The following MIPEP variants were observed in gnomAD, a reference collection of about 807,000 sequenced individuals.
MIPEP encodes mitochondrial intermediate peptidase.
MIPEP carries 79 observed loss-of-function variants against 90.3 expected under a neutral mutation model. That is an observed-to-expected ratio of 0.87 (90% confidence interval 0.73 to 1.05). The LOEUF is 1.05. Ranked by LOEUF, MIPEP falls within the 50% of genes least tolerant of loss-of-function variation. MIPEP has a pLI of 0.00. For synonymous variants in MIPEP, 334 were observed against 315.8 expected, an observed-to-expected ratio of 1.06 and a Z score of -0.61; for missense variants, 940 against 905.6, an observed-to-expected ratio of 1.04 and a Z score of -0.49.
intron 14 of MIPEP, among the ~76,000 whole-genome samples, chr13:23,822,441 C>T (rs1438486688): frequency 3.3e-5 from 5 of 152,220 alleles, no homozygotes; most frequent in African/African-American, 4.8e-5. Context: ...GGCTGTACTA[C>T]GGTTGGGTAA....
At chr13:23,736,767 C>T (rs925720258) in intron 18 of MIPEP, among the ~76,000 whole-genome samples, 3 of 152,146 alleles carry the variant, frequency 2.0e-5, no homozygotes, top group Admixed American at 1.3e-4. Flanking sequence ...CCCAGAACCA[C>T]GGTGGCTGTT....
intron 9 of MIPEP, among the ~76,000 whole-genome samples, chr13:23,859,578 T>G (rs183813737): frequency 3.3e-5 from 5 of 152,248 alleles, no homozygotes; most frequent in African/African-American, 1.2e-4. Context: ...GGCTCAAGTT[T>G]CCAATCCATA....
intron 1 of MIPEP, chr13:23,888,910 C>T (rs978406868): frequency 5.1e-5 from 27 of 532,654 alleles, no homozygotes; most frequent in African/African-American, 4.9e-4. Flanking sequence ...AGAAGCAGTT[C>T]CCGGACCCGA....
At chr13:23,785,651 GA>G (rs1952831696) in intron 16 of MIPEP, among the ~76,000 whole-genome samples, 2 of 147,820 alleles carry the variant, frequency 1.4e-5, no homozygotes, top group African/African-American at 5.0e-5. Flanking sequence ...AAAAAAGAAA[GA>G]AGTCCTCTAA....
At chr13:23,798,282 AAC>A (rs1422338111) in intron 16 of MIPEP, among the ~76,000 whole-genome samples, 9 of 152,328 alleles carry the variant, frequency 5.9e-5, no homozygotes, top group Admixed American at 2.6e-4. Flanking sequence ...TTTTTCTAAA[AAC>A]AGTTTGTTAC....
intron 18 of MIPEP, among the ~76,000 whole-genome samples, chr13:23,746,884 C>T (rs956366153): frequency 1.3e-5 from 2 of 152,034 alleles, no homozygotes; most frequent in Admixed American, 6.6e-5. Context: ...AACCTCTGGA[C>T]GTATCTCAAA....
chr13:23,882,702 TCAC>T (rs1001127615), intron 2 of MIPEP, among the ~76,000 whole-genome samples: 26 of 152,154 alleles, frequency 1.7e-4, no homozygotes, highest in African/African-American at 5.3e-4. Flanking sequence ...TGAAATAAAA[TCAC>T]CACAAGATAA....
At chr13:23,831,388 G>GAGGT (rs1566009684) in intron 14 of MIPEP, among the ~76,000 whole-genome samples, 1 of 145,862 alleles carries the variant, frequency 6.9e-6, no homozygotes, top group Non-Finnish European at 1.5e-5. Context: ...CATGGCGGGG[G>GAGGT]GGGGATGTGG....
At chr13:23,837,899 T>G (rs1216686688) in intron 12 of MIPEP, 143 bp from the exon 13 acceptor site, 1 of 587,238 alleles carries the variant, frequency 1.7e-6, no homozygotes, top group East Asian at 2.8e-5. Flanking sequence ...TCTATTTACA[T>G]ATATACACCT....
rs547681571 is a variant in MIPEP, at chr13:23,846,485, G to C, written c.1107-4997C>G. 2.6e-5 allele frequency among the ~76,000 whole-genome samples: 4 copies of C among 152,096 alleles called. No individual in the cohort carries two copies. The South Asian group carries it at 6.2e-4, about 24-fold the overall frequency. On this transcript the variant is annotated intron_variant, in intron 10 of 18. Transcript: ENST00000382172. Reference sequence around the variant, plus strand: ...ATGCTTGGGATATGTTTTGGATTTTGGATTTTTTTTTCTATTTTGGAAAAT... The same window carrying C: ...ATGCTTGGGATATGTTTTGGATTTTCGATTTTTTTTTCTATTTTGGAAAAT...
chr13:23,821,921 G>A (rs1020236634), intron 14 of MIPEP, among the ~76,000 whole-genome samples: 4 of 152,150 alleles, frequency 2.6e-5, no homozygotes. Context: ...TTAGTTGACT[G>A]TGTGGACACA....
chr13:23,840,727 G>A (rs1869257808), intron 11 of MIPEP, among the ~76,000 whole-genome samples: 1 of 152,092 alleles, frequency 6.6e-6, no homozygotes. Context: ...AAGCATGCTA[G>A]CAAAAATCAA....
At chr13:23,763,596 A>AC (rs1555231897) in intron 16 of MIPEP, among the ~76,000 whole-genome samples, 2 of 152,078 alleles carry the variant, frequency 1.3e-5, no homozygotes, top group South Asian at 4.2e-4. Flanking sequence ...CCCTGGTTTC[A>AC]TCAGCTCATA....
chr13:23,771,966 G>A (rs1050221936), intron 16 of MIPEP, among the ~76,000 whole-genome samples: 8 of 152,068 alleles, frequency 5.3e-5, no homozygotes, highest in Non-Finnish European at 8.8e-5. Flanking sequence ...TGTGTCTTAC[G>A]AAGGATTATG....
chr13:23,816,329 T>C (rs771152199), intron 14 of MIPEP, among the ~76,000 whole-genome samples: 1 of 152,216 alleles, frequency 6.6e-6, no homozygotes, highest in Non-Finnish European at 1.5e-5. Context: ...TCTTGGATGC[T>C]TGGTTTTGTT....
At chr13:23,740,489 C>T (rs1392138454) in intron 18 of MIPEP, among the ~76,000 whole-genome samples, 3 of 151,064 alleles carry the variant, frequency 2.0e-5, no homozygotes, top group Admixed American at 6.6e-5. Flanking sequence ...CTATTTCTTT[C>T]AAGAAGATTC....
At chr13:23,872,716 G>A (rs1870875015) in intron 5 of MIPEP, among the ~76,000 whole-genome samples, 1 of 152,100 alleles carries the variant, frequency 6.6e-6, no homozygotes, top group African/African-American at 2.4e-5. Context: ...CGGGGAAAGA[G>A]GAGCTACACT....
In MIPEP at chr13:23,751,251, G is replaced by A. The variant is rs138543560; in HGVS notation, c.2044+5294C>T. The stretch of plus-strand genomic sequence containing the variant: ...AAAAATTTAATAAGCTAGAAGAGAT[G>A]ATATAGGATAATATGGCAAAAGCGA... On this transcript the variant is annotated intron_variant, in intron 18 of 18. Coordinates refer to ENST00000382172, the MANE Select transcript of MIPEP (RefSeq NM_005932.4). 4.5e-4 allele frequency among the ~76,000 whole-genome samples: 69 copies of A among 152,332 alleles called. 2 individuals carry two copies. The East Asian group carries it at 0.013, about 29-fold the overall frequency.
chr13:23,804,047 C>CG (rs749686562), intron 16 of MIPEP, among the ~76,000 whole-genome samples: 6 of 152,130 alleles, frequency 3.9e-5, no homozygotes, highest in Non-Finnish European at 8.8e-5. Flanking sequence ...ACAAGGCACA[C>CG]GGACTTAGCA....
Sources: gnomAD v4.1 joint callset for allele counts (sites outside exome capture counted in the v4.1 genomes callset) on GRCh38, gnomAD v4.1.1 for gene constraint, MANE v1.5 for transcripts, NCBI Gene and HGNC (gene_info 2026-07-23, HGNC 2026-07-21) for gene names.